Variants in MPDZ observed in about 807,000 individuals in gnomAD.
MPDZ encodes multiple PDZ domain protein.
MPDZ carries 234 observed loss-of-function variants against 239.1 expected under a neutral mutation model. The observed-to-expected ratio is 0.98, with a 90% confidence interval of 0.88 to 1.09. MPDZ has a LOEUF of 1.09. Ranked by LOEUF, MPDZ falls within the 50% of genes least tolerant of loss-of-function variation. MPDZ has a pLI of 0.00. For synonymous variants in MPDZ, 1,048 were observed against 881.3 expected, an observed-to-expected ratio of 1.19 and a Z score of -3.35; for missense variants, 3,175 against 2,510.0, an observed-to-expected ratio of 1.26 and a Z score of -5.66.
At chr9:13,109,450 A>C (rs1333464890) in intron 45 of MPDZ, among the ~76,000 whole-genome samples, 3 of 152,170 alleles carry the variant, frequency 2.0e-5, no homozygotes, top group Non-Finnish European at 2.9e-5. Flanking sequence ...GAGAAAAATC[A>C]ATTATAAGCA....
chr9:13,243,910 G>C (rs1348604897), intron 3 of MPDZ, among the ~76,000 whole-genome samples: 2 of 152,172 alleles, frequency 1.3e-5, no homozygotes, highest in African/African-American at 4.8e-5. Context: ...TCACTGACGA[G>C]GAGAGACCTC....
chr9:13,250,293 G>C lies in MPDZ; in HGVS notation c.16+7C>G, dbSNP rs576344505. 1.7e-5 allele frequency: 27 copies of C among 1,594,128 alleles called. No individual in the cohort carries two copies. The East Asian group carries it at 5.4e-4, about 32-fold the overall frequency. ...TATAAAAGTAGGCAGAAAAGAATAA[G>C]TCTTACCAATGGCTTCCAACATTTT... is the stretch of plus-strand genomic sequence containing the variant. On this transcript the variant is annotated splice_region_variant and intron_variant, in intron 2 of 46. Coordinates refer to ENST00000319217, the MANE Select transcript of MPDZ (RefSeq NM_001378778.1).
At chr9:13,234,583 G>C (rs146969432) in intron 3 of MPDZ, among the ~76,000 whole-genome samples, 1 of 152,016 alleles carries the variant, frequency 6.6e-6, no homozygotes, top group Admixed American at 6.6e-5. Context: ...ATGTTTGATG[G>C]ATATTATATC....
chr9:13,189,653 C>G (rs560711066), intron 16 of MPDZ, among the ~76,000 whole-genome samples: 4 of 152,212 alleles, frequency 2.6e-5, no homozygotes, highest in Admixed American at 6.5e-5. Flanking sequence ...GCAATGCAAG[C>G]AGGGACAAAG....
chr9:13,198,426 AT>A (rs986612577), intron 12 of MPDZ, among the ~76,000 whole-genome samples: 23 of 152,084 alleles, frequency 1.5e-4, no homozygotes, highest in Admixed American at 1.2e-3. Context: ...TCTTTTCTGC[AT>A]TTTTAATCAG....
chr9:13,129,604 G>A (rs1295236985), intron 32 of MPDZ, among the ~76,000 whole-genome samples: 2 of 152,084 alleles, frequency 1.3e-5, no homozygotes, highest in African/African-American at 4.8e-5. Context: ...TTTTACCAGA[G>A]TGCATATAGT....
rs1954498425 is a variant in MPDZ at position 13,188,770 on chromosome 9, G to A, written c.2364+14C>T. On this transcript the variant is annotated intron_variant, in intron 17 of 46. Coordinates refer to ENST00000319217, the MANE Select transcript of MPDZ (RefSeq NM_001378778.1). ...TATAAATATAAAGGGAAGCAATAAA[G>A]TCTGAATTCTTACGGGTAAAGGCTT... 6.2e-7 allele frequency: 1 copy of A among 1,605,988 alleles called. No individual in the cohort carries two copies.
At chr9:13,191,195 T>C (rs970202736) in intron 15 of MPDZ, among the ~76,000 whole-genome samples, 1 of 152,158 alleles carries the variant, frequency 6.6e-6, no homozygotes, top group African/African-American at 2.4e-5. Flanking sequence ...TACTAGACTT[T>C]GAGTGCTATA....
intron 32 of MPDZ, among the ~76,000 whole-genome samples, chr9:13,129,627 G>C: frequency 6.6e-6 from 1 of 152,256 alleles, no homozygotes; most frequent in Middle Eastern, 3.4e-3. Flanking sequence ...TTAGCAAGAA[G>C]AGATCTGAGA....
At chr9:13,181,993 C>T (rs374289833) in intron 19 of MPDZ, among the ~76,000 whole-genome samples, 4 of 152,048 alleles carry the variant, frequency 2.6e-5, no homozygotes, top group Non-Finnish European at 5.9e-5. Flanking sequence ...CAAGATTATA[C>T]CTTGCAAACC....
At chr9:13,223,499 A>G (rs1959473755) in intron 5 of MPDZ, 72 bp downstream of exon 5, 5 of 1,462,528 alleles carry the variant, frequency 3.4e-6, no homozygotes, top group South Asian at 1.6e-5. Context: ...TTATTTTTCT[A>G]AATTCCTGCA....
rs543482066 is a variant in MPDZ, at chr9:13,215,030, T to C, written c.1290+1744A>G. Reference sequence around the variant, plus strand: ...ACCCATTTTGAATAGTACAATTCAATAGTGCTAAGTATATTCACATCATTG... The same window carrying C: ...ACCCATTTTGAATAGTACAATTCAACAGTGCTAAGTATATTCACATCATTG... On this transcript the variant is annotated intron_variant, in intron 10 of 46. Transcript: ENST00000319217. Among the ~76,000 whole-genome samples the C allele has an allele frequency of 1.1e-3, 174 of 152,112 alleles. 2 individuals are homozygous for C. The South Asian group carries it at 0.022, about 20-fold the overall frequency.
intron 46 of MPDZ, among the ~76,000 whole-genome samples, chr9:13,107,440 T>A (rs769006806): frequency 6.6e-6 from 1 of 152,108 alleles, no homozygotes; most frequent in Non-Finnish European, 1.5e-5. Flanking sequence ...TAGGAATGAT[T>A]CAATAGAATC....
chr9:13,247,523 C>T (rs1222504998), intron 3 of MPDZ, 112 bp downstream of exon 3: 4 of 1,169,956 alleles, frequency 3.4e-6, no homozygotes, highest in Non-Finnish European at 4.7e-6. Context: ...GTTTAAATGA[C>T]TTCATTAACT....
In MPDZ at chr9:13,183,440, G is replaced by A; in HGVS notation, c.2627C>T (p.Ser876Phe). ...TACCTTAGGAGGAGATGATGGAAGG[G>A]AAGAACCATAGTTCAGGCCATCACC... ...SCGDGLNYGSSLPSSPPKDVI... is the reference protein window; with the variant it reads ...SCGDGLNYGSFLPSSPPKDVI... The change falls in exon 19 of 47, where the codon TCC becomes TTC. Residue 876 changes from serine (S) to phenylalanine (F), a missense_variant. Ser to Phe is a radical substitution (Grantham distance 155, BLOSUM62 -2). Transcript: ENST00000319217. 1 of 1,608,060 alleles carries A rather than the reference G, an allele frequency of 6.2e-7. No homozygotes were observed.
chr9:13,115,342 T>C lies in MPDZ; in HGVS notation c.5380-8A>G, dbSNP rs762236882. ...TACTGTGCCTAGGGAACACTGGGGG[T>C]GGGCATGGGGGGTGTTTTATGGAAA... On this transcript the variant is annotated splice_region_variant and splice_polypyrimidine_tract_variant and intron_variant, in intron 39 of 46. Transcript: ENST00000319217. 2.5e-6 allele frequency: 4 copies of C among 1,605,560 alleles called. No individual in the cohort carries two copies. The highest frequency in any genetic ancestry group is 1.7e-5 in the Admixed American group (1 of 59,894).
At chr9:13,236,829 A>G (rs1388768469) in intron 3 of MPDZ, among the ~76,000 whole-genome samples, 1 of 151,958 alleles carries the variant, frequency 6.6e-6, no homozygotes, top group East Asian at 1.9e-4. Context: ...TCGCTCCTAC[A>G]ATGAAGTAGA....
intron 10 of MPDZ, among the ~76,000 whole-genome samples, chr9:13,212,743 C>T (rs915381655): frequency 1.1e-4 from 15 of 138,290 alleles, no homozygotes; most frequent in African/African-American, 4.1e-4. Flanking sequence ...TAGGCAGAGG[C>T]GAGAGGATCT....
intron 1 of MPDZ, among the ~76,000 whole-genome samples, chr9:13,259,468 T>C (rs868287225): frequency 3.3e-5 from 5 of 152,186 alleles, no homozygotes; most frequent in Middle Eastern, 6.8e-3. Flanking sequence ...AGTAGCAGCA[T>C]TGGAGAAATG....
Sources: gnomAD v4.1 joint callset for allele counts (sites outside exome capture counted in the v4.1 genomes callset) on GRCh38, gnomAD v4.1.1 for gene constraint, MANE v1.5 for transcripts, NCBI Gene and HGNC (gene_info 2026-07-23, HGNC 2026-07-21) for gene names.